The following NSUN6 variants were observed in gnomAD, a reference collection of about 807,000 sequenced individuals.
NSUN6 encodes NOP2/Sun RNA methyltransferase 6, also known as tRNA (cytosine(72)-C(5))-methyltransferase NSUN6.
Under a neutral mutation model 58.0 loss-of-function variants are expected in NSUN6, and 64 were observed. The observed-to-expected ratio is 1.10, with a 90% CI of 0.90 to 1.36. NSUN6 has a LOEUF of 1.36. NSUN6 is among the 40% of genes most tolerant of loss of function. The probability of loss-of-function intolerance (pLI) is 0.00; values close to 1 mark genes in which losing one functional copy is unlikely to be tolerated. For missense variants in NSUN6, 701 were observed against 550.1 expected, an observed-to-expected ratio of 1.27 and a Z score of -2.74; for synonymous variants, 231 against 193.9, an observed-to-expected ratio of 1.19 and a Z score of -1.59.
At chr10:18,649,629 A>G (rs76632095) in intron 1 of NSUN6, among the ~76,000 whole-genome samples, 1 of 146,578 alleles carries the variant, frequency 6.8e-6, no homozygotes, top group South Asian at 2.1e-4. Flanking sequence ...CCCTGTCTCA[A>G]AAAAAAAAAA....
At chr10:18,636,303 C>G (rs1372761856) in intron 3 of NSUN6, among the ~76,000 whole-genome samples, 1 of 150,966 alleles carries the variant, frequency 6.6e-6, no homozygotes, top group African/African-American at 2.4e-5. Context: ...AAAGTAAGCA[C>G]TGCATCCATG....
At chr10:18,584,873 A>T (rs2057057059) in intron 8 of NSUN6, among the ~76,000 whole-genome samples, 1 of 151,948 alleles carries the variant, frequency 6.6e-6, no homozygotes. Context: ...AGATGGTAAC[A>T]TGACATATTC....
intron 8 of NSUN6, among the ~76,000 whole-genome samples, chr10:18,573,326 A>G (rs1269114359): frequency 1.3e-5 from 2 of 150,106 alleles, no homozygotes; most frequent in Non-Finnish European, 3.0e-5. Flanking sequence ...TCTCCATTCC[A>G]TTCCATTACC....
intron 8 of NSUN6, among the ~76,000 whole-genome samples, chr10:18,579,033 C>T (rs1053388507): frequency 1.3e-5 from 2 of 152,168 alleles, no homozygotes; most frequent in African/African-American, 4.8e-5. Flanking sequence ...CCAGACCTTT[C>T]TTAGAACAGG....
At chr10:18,641,722 C>T (rs1044076371) in intron 3 of NSUN6, among the ~76,000 whole-genome samples, 1 of 152,040 alleles carries the variant, frequency 6.6e-6, no homozygotes, top group African/African-American at 2.4e-5. Context: ...AATACGTAAA[C>T]GCGCAGAACA....
intron 6 of NSUN6, among the ~76,000 whole-genome samples, chr10:18,606,580 G>A (rs571149665): frequency 1.3e-5 from 2 of 152,310 alleles, no homozygotes; most frequent in South Asian, 4.1e-4. Flanking sequence ...ACACACCAGT[G>A]TTGGTTTCTA....
intron 7 of NSUN6, among the ~76,000 whole-genome samples, chr10:18,594,885 G>GT (rs2057524438): frequency 6.6e-6 from 1 of 152,148 alleles, no homozygotes; most frequent in Non-Finnish European, 1.5e-5. Flanking sequence ...AATAAATAGG[G>GT]TGACAGTAGA....
At chr10:18,560,043 T>A (rs932733615) in intron 8 of NSUN6, among the ~76,000 whole-genome samples, 1 of 143,180 alleles carries the variant, frequency 7.0e-6, no homozygotes, top group Admixed American at 7.1e-5. Flanking sequence ...TGAGCTGGAA[T>A]GGAGAATGGA....
At chr10:18,655,028 G>T, upstream of NSUN6, 9 of 972,470 alleles carry the variant, frequency 9.3e-6, no homozygotes, top group Non-Finnish European at 1.1e-5. Context: ...ACCTTACCGA[G>T]AACTTCCCAT....
intron 7 of NSUN6, among the ~76,000 whole-genome samples, chr10:18,586,810 C>T (rs181183985): frequency 6.4e-4 from 98 of 152,286 alleles, no homozygotes; most frequent in Non-Finnish European, 1.2e-3. Context: ...AGCTTTTATT[C>T]CCTTATTTGG....
chr10:18,652,627 C>T, upstream of NSUN6: 1 of 887,352 alleles, frequency 1.1e-6, no homozygotes. Flanking sequence ...ATGGTGGGAT[C>T]TCGACTCACT....
chr10:18,626,611 T>G (rs1287649974), intron 3 of NSUN6, among the ~76,000 whole-genome samples: 1 of 151,988 alleles, frequency 6.6e-6, no homozygotes, highest in Non-Finnish European at 1.5e-5. Flanking sequence ...CTACTAAAAA[T>G]ACAAAAATTA....
chr10:18,640,736 G>A (rs930349590), intron 3 of NSUN6, among the ~76,000 whole-genome samples: 6 of 151,600 alleles, frequency 4.0e-5, no homozygotes, highest in African/African-American at 7.3e-5. Context: ...AGATCTCTTC[G>A]TTTCACTGTA....
At chr10:18,622,014 CATATATAT>C (rs10572337) in intron 3 of NSUN6, among the ~76,000 whole-genome samples, 3 of 151,024 alleles carry the variant, frequency 2.0e-5, no homozygotes, top group Non-Finnish European at 2.9e-5. Context: ...CCTATTCACA[CATATATAT>C]ATATATATAC....
chr10:18,584,534 CTTG>C (rs2057042327), intron 8 of NSUN6, among the ~76,000 whole-genome samples: 1 of 152,004 alleles, frequency 6.6e-6, no homozygotes, highest in South Asian at 2.1e-4. Flanking sequence ...TTCAGAGAAA[CTTG>C]TGACATTATT....
intron 6 of NSUN6, among the ~76,000 whole-genome samples, chr10:18,601,988 G>C (rs963872871): frequency 2.6e-5 from 4 of 151,492 alleles, no homozygotes; most frequent in African/African-American, 4.9e-5. Flanking sequence ...AAAAAAAAAG[G>C]GAAATAAATC....
At chr10:18,593,252 G>A (rs2057446844) in intron 7 of NSUN6, among the ~76,000 whole-genome samples, 1 of 152,206 alleles carries the variant, frequency 6.6e-6, no homozygotes, top group Non-Finnish European at 1.5e-5. Flanking sequence ...CCTTTACACT[G>A]TTGGTGGGAG....
chr10:18,616,936 G>A (rs892239523), intron 3 of NSUN6, among the ~76,000 whole-genome samples: 5 of 152,078 alleles, frequency 3.3e-5, no homozygotes, highest in African/African-American at 1.2e-4. Context: ...GGAATTAGGT[G>A]CATCCTGTCT....
intron 3 of NSUN6, among the ~76,000 whole-genome samples, chr10:18,620,825 C>A (rs1212365598): frequency 1.3e-5 from 2 of 152,198 alleles, no homozygotes; most frequent in African/African-American, 2.4e-5. Context: ...ATGTCTCATT[C>A]ATCTTTGTAA....
Sources: allele counts gnomAD v4.1 joint callset (sites outside exome capture counted in the v4.1 genomes callset), GRCh38; gene constraint gnomAD v4.1.1; transcripts MANE v1.5; gene names NCBI Gene and HGNC (gene_info 2026-07-23, HGNC 2026-07-21).